Variants in SHROOM2 observed in about 807,000 individuals in gnomAD.
The protein encoded by SHROOM2 is protein Shroom2.
SHROOM2 carries 33 observed loss-of-function variants against 75.9 expected under a neutral mutation model. The observed-to-expected ratio is 0.43, with a 90% confidence interval of 0.33 to 0.58. SHROOM2 has a LOEUF of 0.58. SHROOM2 is among the 20% of genes least tolerant of loss of function. The pLI, the probability that SHROOM2 is intolerant of heterozygous loss-of-function variation, is 0.04. For missense variants in SHROOM2, 1,434 were observed against 1,461.2 expected, an observed-to-expected ratio of 0.98 and a Z score of 0.30; for synonymous variants, 655 against 663.6, an observed-to-expected ratio of 0.99 and a Z score of 0.20.
At chrX:9,884,121 C>T (rs960556069) in intron 2 of SHROOM2, among the ~76,000 whole-genome samples, 3 of 111,494 alleles carry the variant, frequency 2.7e-5, no homozygotes, top group Admixed American at 1.9e-4. Flanking sequence ...ACCAACACCC[C>T]CCGCCCCCCA....
chrX:9,888,826 C>A (rs2084275279), intron 2 of SHROOM2, among the ~76,000 whole-genome samples: 1 of 112,148 alleles, frequency 8.9e-6, no homozygotes, highest in Non-Finnish European at 1.9e-5. Context: ...TCTGGGAGAA[C>A]TTTTATTGTA....
chrX:9,937,361 C>A lies in SHROOM2; in HGVS notation c.3815C>A (p.Ala1272Asp), dbSNP rs1013431897. 1.5e-5 allele frequency: 18 copies of A among 1,204,952 alleles called. No individual in the cohort carries two copies. The highest frequency in any genetic ancestry group is 2.0e-5 in the Non-Finnish European group (18 of 892,088). Residue 1272 changes from alanine to aspartate, a missense_variant, in exon 7 of 10, where the codon GCC (alanine) becomes GAC (aspartate). Physicochemically the swap from Ala to Asp is moderately radical, Grantham distance 126. Around this residue, in one of 3 missense-constraint regions of SHROOM2, gnomAD observed 1,340 missense variants for 1,338.3 expected, o/e 1.00. Coordinates refer to ENST00000380913, the MANE Select transcript of SHROOM2 (RefSeq NM_001649.4). ...ACGCGGCAGGGTGCTGAGCCCGAGG[C>A]CCCACATAGGGCCCAGCCGGCTGAG... ...LYTRQGAEPE[A>D]PHRAQPAEPQ...
At chrX:9,917,824 A>G (rs918062701) in intron 5 of SHROOM2, among the ~76,000 whole-genome samples, 1 of 112,186 alleles carries the variant, frequency 8.9e-6, no homozygotes, top group Admixed American at 9.5e-5. Context: ...CACCTGGCCA[A>G]TATTGTTATT....
At chrX:9,789,984 GACTC>G (rs2083638665) in intron 1 of SHROOM2, among the ~76,000 whole-genome samples, 1 of 111,841 alleles carries the variant, frequency 8.9e-6, no homozygotes, top group African/African-American at 3.3e-5. Context: ...CCCCCCACCT[GACTC>G]ACCCACCCCA....
At chrX:9,936,786 G>C (rs1242362797) in intron 6 of SHROOM2, among the ~76,000 whole-genome samples, 1 of 112,414 alleles carries the variant, frequency 8.9e-6, no homozygotes, top group Non-Finnish European at 1.9e-5. Flanking sequence ...AACCCAACAG[G>C]GCTTGTTGAA....
At position 9,895,398 on chromosome X, in the gene SHROOM2, C is replaced by T. The variant is rs1254007642; in HGVS notation, c.1490C>T (p.Ser497Phe). 8.3e-7 allele frequency: 1 copy of T among 1,204,692 alleles called. No homozygotes were observed. The highest frequency in any genetic ancestry group is 1.7e-5 in the African/African-American group (1 of 57,749). ...CAGCTCTGGGCGGGATGCTGGCCTT[C>T]TGACACAGCCCTTGGAGCCCTCGAG... Reference protein sequence around the residue: ...AAQLWAGCWPSDTALGALESL... With the variant: ...AAQLWAGCWPFDTALGALESL... The change falls in exon 4 of 10, where the codon TCT becomes TTT. Residue 497 changes from serine to phenylalanine, a missense_variant. Around this residue, in one of 3 missense-constraint regions of SHROOM2, gnomAD observed 1,340 missense variants for 1,338.3 expected, o/e 1.00. Coordinates refer to ENST00000380913, the MANE Select transcript of SHROOM2 (RefSeq NM_001649.4).
intron 1 of SHROOM2, among the ~76,000 whole-genome samples, chrX:9,802,373 G>A (rs1236799651): frequency 8.9e-6 from 1 of 112,740 alleles, no homozygotes; most frequent in Non-Finnish European, 1.9e-5. Context: ...ACGTGATTCA[G>A]TCACATGGTA....
chrX:9,817,277 TCTAA>T (rs1175881946), intron 1 of SHROOM2, among the ~76,000 whole-genome samples: 1 of 65,890 alleles, frequency 1.5e-5, no homozygotes, highest in Non-Finnish European at 3.0e-5. Flanking sequence ...CCAACCTCCC[TCTAA>T]CTTTTTTTTT....
chrX:9,818,669 A>G, intron 1 of SHROOM2: 1 of 389,296 alleles, frequency 2.6e-6, no homozygotes, highest in Non-Finnish European at 4.7e-6. Context: ...TCCTCTTTAA[A>G]AAGAACTTCA....
At chrX:9,903,541 C>CT (rs1004858522) in intron 5 of SHROOM2, among the ~76,000 whole-genome samples, 6 of 111,019 alleles carry the variant, frequency 5.4e-5, no homozygotes, top group African/African-American at 2.0e-4. Context: ...CCCTTTATGT[C>CT]TTTTTTTGAT....
At position 9,895,534 on chromosome X, in the gene SHROOM2, C is replaced by T. The variant is rs1315449881; in HGVS notation, c.1626C>T (p.Ala542=). The T allele has an allele frequency of 2.0e-5, 24 of 1,189,840 alleles. No homozygotes were observed. The Admixed American group carries it at 4.4e-4, about 22-fold the overall frequency. The change falls in exon 4 of 10, where the codon GCC becomes GCT. Residue 542 remains alanine, a synonymous_variant. Coordinates refer to ENST00000380913, the MANE Select transcript of SHROOM2 (RefSeq NM_001649.4). ...TGRCYPLDKG[A]EGCSAGAQEP... The stretch of plus-strand genomic sequence containing the variant: ...GGTGTTACCCGCTGGACAAAGGGGC[C>T]GAGGGCTGCTCCGCGGGAGCCCAGG...
chrX:9,914,441 T>C (rs888122694), intron 5 of SHROOM2, among the ~76,000 whole-genome samples: 5 of 110,269 alleles, frequency 4.5e-5, no homozygotes, highest in African/African-American at 1.7e-4. Context: ...ATGCATTAAA[T>C]TTTTAAGAAG....
intron 1 of SHROOM2, among the ~76,000 whole-genome samples, chrX:9,838,124 G>A (rs1185178175): frequency 3.0e-4 from 29 of 95,842 alleles, no homozygotes; most frequent in South Asian, 5.8e-4. Context: ...GCAGTGGCAC[G>A]ATCTCGGCTC....
At chrX:9,797,276 C>T (rs901049930) in intron 1 of SHROOM2, among the ~76,000 whole-genome samples, 4 of 112,199 alleles carry the variant, frequency 3.6e-5, no homozygotes, top group African/African-American at 1.3e-4. Flanking sequence ...TGAAGATGGC[C>T]GCAGGGCAGA....
At chrX:9,836,923 C>T (rs190207122) in intron 1 of SHROOM2, among the ~76,000 whole-genome samples, 14 of 112,466 alleles carry the variant, frequency 1.2e-4, no homozygotes, top group African/African-American at 4.2e-4. Context: ...CTTTCTGTCT[C>T]TGGACTTGCC....
chrX:9,891,454 A>G (rs1311176148), intron 3 of SHROOM2, among the ~76,000 whole-genome samples: 1 of 111,942 alleles, frequency 8.9e-6, no homozygotes, highest in Non-Finnish European at 1.9e-5. Context: ...AAGGCAGGAG[A>G]TATATATGGG....
intron 1 of SHROOM2, among the ~76,000 whole-genome samples, chrX:9,872,982 G>T (rs148404205): frequency 4.4e-5 from 5 of 112,481 alleles, no homozygotes; most frequent in Non-Finnish European, 7.5e-5. Flanking sequence ...ATGCTACAAC[G>T]TAGATAAACT....
intron 6 of SHROOM2, among the ~76,000 whole-genome samples, chrX:9,934,454 G>T (rs1469443209): frequency 9.0e-6 from 1 of 111,593 alleles, no homozygotes; most frequent in Non-Finnish European, 1.9e-5. Context: ...TGTATCTAAA[G>T]ATCATTCAGA....
chrX:9,876,094 C>G (rs1458113565), intron 2 of SHROOM2, among the ~76,000 whole-genome samples: 1 of 112,131 alleles, frequency 8.9e-6, no homozygotes, highest in African/African-American at 3.2e-5. Context: ...TGTAGAATCC[C>G]CATTTTGTGT....
Sources: allele counts gnomAD v4.1 joint callset (sites outside exome capture counted in the v4.1 genomes callset), GRCh38; gene constraint gnomAD v4.1.1; regional missense constraint gnomAD v4.1.1; transcripts MANE v1.5; gene names NCBI Gene and HGNC (gene_info 2026-07-23, HGNC 2026-07-21).